Variants in NDRG3 observed in about 807,000 individuals in gnomAD.
NDRG3 encodes protein NDRG3.
A neutral mutation model predicts 57.2 loss-of-function variants in NDRG3; 23 were observed. That is an observed-to-expected ratio of 0.40 (90% CI 0.29 to 0.57). The LOEUF (loss-of-function observed/expected upper bound fraction) is 0.57, where lower values mean the gene tolerates loss of function less well. Among genes scored for constraint, NDRG3 ranks in the 20% least tolerant of loss-of-function variants. The pLI, the probability that NDRG3 is intolerant of heterozygous loss-of-function variation, is 0.42. For missense variants in NDRG3, 384 were observed against 457.3 expected, an observed-to-expected ratio of 0.84 and a Z score of 1.46; for synonymous variants, 132 against 162.6, an observed-to-expected ratio of 0.81 and a Z score of 1.43.
chr20:36,681,988 G>A (rs902089258), intron 7 of NDRG3, among the ~76,000 whole-genome samples: 5 of 152,128 alleles, frequency 3.3e-5, no homozygotes, highest in African/African-American at 7.2e-5. Flanking sequence ...GTGAGCCACC[G>A]TGCCTGGTCC....
chr20:36,683,621 C>T (rs568930977), intron 6 of NDRG3, among the ~76,000 whole-genome samples: 3 of 146,684 alleles, frequency 2.0e-5, no homozygotes, highest in African/African-American at 5.0e-5. Flanking sequence ...CATCTCAAAA[C>T]AAATAAATAA....
chr20:36,689,445 T>C (rs1391776428), intron 3 of NDRG3, among the ~76,000 whole-genome samples: 1 of 152,112 alleles, frequency 6.6e-6, no homozygotes, highest in Non-Finnish European at 1.5e-5. Flanking sequence ...ATGAAGAAGT[T>C]GCTGGGTAAA....
intron 2 of NDRG3, among the ~76,000 whole-genome samples, chr20:36,710,877 G>A (rs1438239810): frequency 6.6e-6 from 1 of 151,160 alleles, no homozygotes; most frequent in Non-Finnish European, 1.5e-5. Context: ...CTACTTGGGA[G>A]GCTCAGGCAG....
intron 3 of NDRG3, among the ~76,000 whole-genome samples, chr20:36,699,746 A>G (rs909119454): frequency 2.6e-5 from 4 of 151,916 alleles, no homozygotes; most frequent in Non-Finnish European, 4.4e-5. Context: ...GGGATGAGAC[A>G]GTGAGCTGCC....
intron 1 of NDRG3, among the ~76,000 whole-genome samples, chr20:36,742,242 T>C (rs1246423091): frequency 6.6e-6 from 1 of 152,158 alleles, no homozygotes; most frequent in South Asian, 2.1e-4. Flanking sequence ...CTTGAAGACA[T>C]GAATCATGTT....
chr20:36,724,549 A>G (rs555419292), intron 1 of NDRG3, among the ~76,000 whole-genome samples: 1 of 152,338 alleles, frequency 6.6e-6, no homozygotes, highest in East Asian at 1.9e-4. Context: ...AATCTACTCC[A>G]TGTTTGTTTA....
chr20:36,669,416 G>T (rs754582303), intron 9 of NDRG3, among the ~76,000 whole-genome samples: 29 of 152,188 alleles, frequency 1.9e-4, no homozygotes, highest in Non-Finnish European at 3.5e-4. Context: ...ATTTTTAGTA[G>T]AGACAGGGTT....
intron 1 of NDRG3, among the ~76,000 whole-genome samples, chr20:36,733,622 C>T (rs926676647): frequency 6.6e-6 from 1 of 151,546 alleles, no homozygotes; most frequent in Non-Finnish European, 1.5e-5. Context: ...ACTCGGCAGG[C>T]TGAGGCAGAG....
intron 13 of NDRG3, among the ~76,000 whole-genome samples, chr20:36,659,199 C>CA (rs1978939298): frequency 6.6e-6 from 1 of 152,104 alleles, no homozygotes; most frequent in Non-Finnish European, 1.5e-5. Flanking sequence ...CTCGGCCTTC[C>CA]AAAGTGCTGG....
chr20:36,733,146 C>CAAAAA (rs141850127), intron 1 of NDRG3, among the ~76,000 whole-genome samples: 52 of 38,964 alleles, frequency 1.3e-3, no homozygotes, highest in Non-Finnish European at 2.0e-3. Flanking sequence ...GATCCTGTCT[C>CAAAAA]AAAAAAAAAA....
At chr20:36,735,633 A>G (rs543586469) in intron 1 of NDRG3, among the ~76,000 whole-genome samples, 1 of 152,266 alleles carries the variant, frequency 6.6e-6, no homozygotes, top group South Asian at 2.1e-4. Flanking sequence ...CCCTAAAGGG[A>G]TATGTTTTGA....
In NDRG3 at chr20:36,738,062, C is replaced by CA. The variant is rs199664442; in HGVS notation, c.-49+7982dup. On this transcript the variant is annotated intron_variant, in intron 1 of 15. Coordinates refer to ENST00000349004, the MANE Select transcript of NDRG3 (RefSeq NM_032013.4). ...CTGGTGACAGAGCAAGACTCTGTCT[C>CA]AAAAAAAAAAAAAAAATTCTAAACC... 2.7e-3 allele frequency among the ~76,000 whole-genome samples: 261 copies of CA among 98,298 alleles called. 1 individual carries two copies. The highest frequency in any genetic ancestry group is 0.014 in the Middle Eastern group (2 of 146). 64.5% of individuals were successfully genotyped at this position (98,298 alleles called of 152,430 possible).
chr20:36,702,947 G>A (rs915108052), intron 3 of NDRG3, among the ~76,000 whole-genome samples: 1 of 151,998 alleles, frequency 6.6e-6, no homozygotes, highest in African/African-American at 2.4e-5. Context: ...GCCTCCCAAA[G>A]TGCTGGGATT....
rs1426810918 is a variant in NDRG3, at chr20:36,682,552, A to G, written c.410T>C (p.Val137Ala). Residue 137 changes from valine to alanine, a missense_variant, in exon 7 of 16, where the codon GTT (valine) becomes GCT (alanine). By Grantham distance (64) the Val-to-Ala change is moderately conservative. Transcript: ENST00000349004. ...LSLKSIIGIG[V>A]GAGAYILSRF... ...GCTGAGGATGTAAGCTCCAGCTCCA[A>G]CTCCAATTCCAATGATGCTTTTCAG... 3.7e-6 allele frequency: 6 copies of G among 1,613,898 alleles called. No homozygotes were observed. Among genetic ancestry groups the G allele is most frequent in the Middle Eastern group, 1.6e-4 (1 of 6,082 alleles).
chr20:36,694,330 C>T (rs571795288), intron 3 of NDRG3, among the ~76,000 whole-genome samples: 3 of 152,340 alleles, frequency 2.0e-5, no homozygotes, highest in Admixed American at 1.3e-4. Flanking sequence ...CCTTCTTCCA[C>T]TGTTTACTTT....
intron 3 of NDRG3, among the ~76,000 whole-genome samples, chr20:36,698,873 CTT>C (rs1343224767): frequency 6.6e-6 from 1 of 152,000 alleles, no homozygotes; most frequent in African/African-American, 2.4e-5. Context: ...AAATATACCA[CTT>C]ATGCCAATAT....
intron 3 of NDRG3, among the ~76,000 whole-genome samples, 192 bp downstream of exon 3, chr20:36,706,780 G>A (rs926055800): frequency 6.6e-6 from 1 of 152,164 alleles, no homozygotes; most frequent in Middle Eastern, 3.2e-3. Flanking sequence ...TGGAATTATA[G>A]GTATGAGCCC....
intron 1 of NDRG3, among the ~76,000 whole-genome samples, chr20:36,737,183 T>C (rs1372110402): frequency 6.6e-6 from 1 of 152,164 alleles, no homozygotes; most frequent in African/African-American, 2.4e-5. Context: ...AGGAGCCTTC[T>C]TGTTAATCCC....
At position 36,687,578 on chromosome 20, in the gene NDRG3, C is replaced by T. The variant is rs745954106; in HGVS notation, c.234G>A (p.Glu78=). Residue 78 remains glutamate (E), a synonymous_variant, in exon 5 of 16, where the codon GAG becomes GAA. Coordinates refer to ENST00000349004, the MANE Select transcript of NDRG3 (RefSeq NM_032013.4). ...KSCFNAFFNF[E]DMQEITQHFA... is the part of the protein sequence containing the mutation. Reference sequence around the variant, plus strand: ...AGTGCTGGGTGATCTCTTGCATATCCTCAAAGTTAAAGAATGCATTGAAAC... The same window carrying T: ...AGTGCTGGGTGATCTCTTGCATATCTTCAAAGTTAAAGAATGCATTGAAAC... 3 of 1,613,968 alleles carry T rather than the reference C, an allele frequency of 1.9e-6. No individual in the cohort carries two copies. The highest frequency in any genetic ancestry group is 2.2e-5 in the South Asian group (2 of 91,046).
Sources: allele counts gnomAD v4.1 joint callset (sites outside exome capture counted in the v4.1 genomes callset), GRCh38; gene constraint gnomAD v4.1.1; transcripts MANE v1.5; gene names NCBI Gene and HGNC (gene_info 2026-07-23, HGNC 2026-07-21).